JAM2: variants seen among roughly 807,000 people sequenced by gnomAD.
JAM2 encodes the protein junctional adhesion molecule B.
JAM2 carries 17 observed loss-of-function variants against 42.0 expected under a neutral mutation model. The ratio of observed to expected loss-of-function variants is 0.40; its 90% CI spans 0.28 to 0.61. The LOEUF (loss-of-function observed/expected upper bound fraction) is 0.61. Ranked by LOEUF, JAM2 falls within the 20% of genes least tolerant of loss-of-function variation. The pLI is 0.37. For synonymous variants in JAM2, 118 were observed against 128.6 expected (o/e 0.92, Z 0.56); for missense variants, 319 against 358.3 (o/e 0.89, Z 0.89).
chr21:25,696,872 C>A (rs768957141), intron 4 of JAM2, among the ~76,000 whole-genome samples: 3 of 152,150 alleles, frequency 2.0e-5, no homozygotes, highest in Admixed American at 6.5e-5. Context: ...TCTTGTACTT[C>A]ATTTTTGTTG....
At chr21:25,651,970 G>A (rs2032795254) in intron 1 of JAM2, among the ~76,000 whole-genome samples, 1 of 152,186 alleles carries the variant, frequency 6.6e-6, no homozygotes, top group South Asian at 2.1e-4. Flanking sequence ...GAATGGAACA[G>A]ACTTCTCTTA....
At position 25,705,993 on chromosome 21, in the gene JAM2, A is replaced by G. The variant is rs201705901; in HGVS notation, c.712A>G (p.Ser238Gly). 19 of 1,610,158 alleles carry G rather than the reference A, an allele frequency of 1.2e-5. No homozygotes were observed. Among genetic ancestry groups the G allele is most frequent in the Non-Finnish European group, 1.6e-5 (19 of 1,176,426 alleles). The change falls in exon 7 of 10, where the codon AGT becomes GGT. Residue 238 changes from serine to glycine, a missense_variant. Transcript: ENST00000480456. ...TTACATTCCAGATGATCTCAACATA[A>G]GTGGCATCATAGCAGCCGTAGTAGT... ...KRMQVDDLNI[S>G]GIIAAVVVVA...
At chr21:25,688,230 A>T (rs566472121) in intron 2 of JAM2, among the ~76,000 whole-genome samples, 1 of 140,622 alleles carries the variant, frequency 7.1e-6, no homozygotes, top group African/African-American at 2.5e-5. Flanking sequence ...ATTAGGAAGA[A>T]TTCACCAGGA....
At position 25,716,350 on chromosome 21, in the gene JAM2, C is replaced by A. The variant is rs144990810; in HGVS notation, c.*1678C>A. On this transcript the variant is annotated 3_prime_UTR_variant, in exon 10 of 10. Transcript: ENST00000480456. ...TTTCTACCCAATTGGCGAAGCAAAT[C>A]CCCAGGATTCACCGAACAAATGGAT... 1 of 152,302 alleles carries A rather than the reference C, an allele frequency of 6.6e-6. No individual in the cohort carries two copies. Among genetic ancestry groups the A allele is most frequent in the Non-Finnish European group, 1.5e-5 (1 of 68,048 alleles). The allele number at this position is 152,302 out of a possible 1,614,324, so 9.4% of individuals were successfully genotyped here.
intron 6 of JAM2, among the ~76,000 whole-genome samples, chr21:25,703,768 C>A (rs114562269): frequency 3.7e-3 from 527 of 141,482 alleles, no homozygotes; most frequent in Middle Eastern, 7.1e-3. Flanking sequence ...ACTTTTTTTT[C>A]AAAAAAAAAA....
chr21:25,695,186 AG>A (rs1305251936), intron 4 of JAM2, among the ~76,000 whole-genome samples: 1 of 152,150 alleles, frequency 6.6e-6, no homozygotes, highest in Non-Finnish European at 1.5e-5. Context: ...ATGACTCTTA[AG>A]GAGCATGCTG....
chr21:25,675,546 G>A (rs926233311), intron 1 of JAM2, among the ~76,000 whole-genome samples: 2 of 148,872 alleles, frequency 1.3e-5, no homozygotes, highest in African/African-American at 2.5e-5. Context: ...GAGAGAGGAA[G>A]GAGGGGAAGG....
chr21:25,665,740 G>A lies in JAM2; in HGVS notation c.68-18143G>A, dbSNP rs1343291974. ...ATTACGGAGGGCAACATGCTTTACC[G>A]ATTTAAATGTTAATCTCACGCCACA... On this transcript the variant is annotated intron_variant, in intron 1 of 9. Coordinates refer to ENST00000480456, the MANE Select transcript of JAM2 (RefSeq NM_021219.4). 5.3e-5 allele frequency among the ~76,000 whole-genome samples: 8 copies of A among 152,090 alleles called. No homozygotes were observed. The East Asian group carries it at 7.7e-4, about 15-fold the overall frequency.
rs555151505 is a variant in JAM2, at chr21:25,682,025, T to C, written c.68-1858T>C. On this transcript the variant is annotated intron_variant, in intron 1 of 9. Coordinates refer to ENST00000480456, the MANE Select transcript of JAM2 (RefSeq NM_021219.4). ...ATTGCTTGCCTTCAGGAACTCTTCC[T>C]TAGTATCAGTTTGATCCGACCTCAT... Among the ~76,000 whole-genome samples the C allele has an allele frequency of 3.3e-5, 5 of 152,332 alleles. No individual in the cohort carries two copies. In the South Asian group the frequency reaches 1.0e-3, roughly 32 times the overall value.
At chr21:25,688,038 C>A (rs954790576) in intron 2 of JAM2, among the ~76,000 whole-genome samples, 1 of 152,178 alleles carries the variant, frequency 6.6e-6, no homozygotes, top group Non-Finnish European at 1.5e-5. Context: ...AGCTCAAGAA[C>A]AATGCATGGC....
At chr21:25,650,772 A>C (rs1455579724) in intron 1 of JAM2, among the ~76,000 whole-genome samples, 1 of 152,168 alleles carries the variant, frequency 6.6e-6, no homozygotes, top group African/African-American at 2.4e-5. Flanking sequence ...TCTATAAGTA[A>C]AATAATGTGA....
At chr21:25,709,538 G>T in intron 8 of JAM2, 89 bp downstream of exon 8, 1 of 861,680 alleles carries the variant, frequency 1.2e-6, no homozygotes, top group South Asian at 1.9e-5. Flanking sequence ...GAGAGAAGTT[G>T]GGTTATTTGT....
chr21:25,639,481 C>T lies in JAM2; in HGVS notation c.-341C>T. 1 of 237,882 alleles carries T rather than the reference C, an allele frequency of 4.2e-6. No individual in the cohort carries two copies. Among genetic ancestry groups the T allele is most frequent in the African/African-American group, 2.2e-5 (1 of 44,540 alleles). The allele number at this position is 237,882 out of a possible 1,614,324, so 14.7% of individuals were successfully genotyped here. On this transcript the variant is annotated 5_prime_UTR_variant, in exon 1 of 10. Coordinates refer to ENST00000480456, the MANE Select transcript of JAM2 (RefSeq NM_021219.4). ...GAGGCGTGGGGGCGGAGGGACGACC[C>T]GCCGGGGCTTTCCCGGGCGCTGCTC...
chr21:25,678,888 C>T (rs755295685), intron 1 of JAM2, among the ~76,000 whole-genome samples: 1 of 152,208 alleles, frequency 6.6e-6, no homozygotes, highest in Admixed American at 6.5e-5. Context: ...CAGCTTCAAA[C>T]GCCTGTGCTC....
intron 1 of JAM2, among the ~76,000 whole-genome samples, chr21:25,647,898 G>A (rs537179793): frequency 1.3e-5 from 2 of 152,296 alleles, no homozygotes; most frequent in East Asian, 1.9e-4. Context: ...AGAGAGAATG[G>A]TGTTTATGTT....
chr21:25,648,450 T>TTG (rs61479815), intron 1 of JAM2, among the ~76,000 whole-genome samples: 6,913 of 148,442 alleles, frequency 0.047, 414 homozygotes, highest in African/African-American at 0.14. Context: ...TGCCGTGTGT[T>TTG]TGTGTGTGTG....
At chr21:25,689,514 C>G (rs535752113) in intron 2 of JAM2, among the ~76,000 whole-genome samples, 2 of 152,316 alleles carry the variant, frequency 1.3e-5, no homozygotes, top group East Asian at 3.9e-4. Context: ...TAATAAGACA[C>G]ATAGTTAATC....
At chr21:25,651,392 T>C (rs888637770) in intron 1 of JAM2, among the ~76,000 whole-genome samples, 1 of 152,188 alleles carries the variant, frequency 6.6e-6, no homozygotes, top group African/African-American at 2.4e-5. Flanking sequence ...GTCCCAAAGA[T>C]AGCACTTCTT....
intron 1 of JAM2, among the ~76,000 whole-genome samples, chr21:25,650,321 T>C (rs984035090): frequency 2.0e-5 from 3 of 152,254 alleles, no homozygotes; most frequent in Admixed American, 6.5e-5. Flanking sequence ...CCGTTACTTT[T>C]AATGATTTTG....
Sources: gnomAD v4.1 joint callset for allele counts (sites outside exome capture counted in the v4.1 genomes callset) on GRCh38, gnomAD v4.1.1 for gene constraint, MANE v1.5 for transcripts, NCBI Gene and HGNC (gene_info 2026-07-23, HGNC 2026-07-21) for gene names.